Variants in NVL observed in about 807,000 individuals in gnomAD.
NVL encodes the protein nuclear valosin-containing protein-like.
Under a neutral mutation model 110.2 loss-of-function variants are expected in NVL, and 84 were observed. That is an observed-to-expected ratio of 0.76 (90% CI 0.64 to 0.91). The LOEUF (loss-of-function observed/expected upper bound fraction) is 0.91, where lower values mean the gene tolerates loss of function less well. Ranked by LOEUF, NVL falls within the 40% of genes least tolerant of loss-of-function variation. NVL has a pLI of 0.00. For synonymous variants in NVL, 354 were observed against 361.1 expected, an observed-to-expected ratio of 0.98 and a Z score of 0.22; for missense variants, 882 against 1,035.9, an observed-to-expected ratio of 0.85 and a Z score of 2.04.
intron 5 of NVL, among the ~76,000 whole-genome samples, chr1:224,308,672 C>A (rs1214378426): frequency 6.2e-4 from 82 of 131,706 alleles, no homozygotes; most frequent in African/African-American, 2.1e-3. Context: ...GCCTGGGTGA[C>A]AGAGTGAGAC....
intron 18 of NVL, among the ~76,000 whole-genome samples, chr1:224,255,199 TTTTTTC>T (rs1398492796): frequency 1.2e-4 from 17 of 138,832 alleles, no homozygotes; most frequent in East Asian, 4.2e-4. Context: ...TTTTTTTTTT[TTTTTTC>T]CTGAGACAGG....
At chr1:224,246,304 A>T (rs1661814786) in intron 19 of NVL, among the ~76,000 whole-genome samples, 2 of 152,230 alleles carry the variant, frequency 1.3e-5, no homozygotes, top group Admixed American at 1.3e-4. Flanking sequence ...TGCTGGGATT[A>T]TAGGCATGAA....
Position 224,275,388 on chromosome 1 carries a change from A to G in NVL, c.2033T>C (p.Ile678Thr), listed in dbSNP as rs1403464363. 2 of 1,614,174 alleles carry G rather than the reference A, an allele frequency of 1.2e-6. No individual in the cohort carries two copies. The highest frequency in any genetic ancestry group is 1.7e-6 in the Non-Finnish European group (2 of 1,180,014). The change falls in exon 17 of 23, where the codon ATA (isoleucine) becomes ACA (threonine). Residue 678 changes from isoleucine to threonine, a missense_variant. Transcript: ENST00000281701. ...QRAKNSAPCVIFFDEVDALCP... is the reference protein window; with the variant it reads ...QRAKNSAPCVTFFDEVDALCP... ...TAAAGCATCCACTTCATCAAAGAAT[A>G]TCACACAGGGTGCTGAGTTCTTGGC...
At chr1:224,308,290 A>G in intron 5 of NVL, 27 bp from the exon 6 acceptor site, 2 of 1,574,456 alleles carry the variant, frequency 1.3e-6, no homozygotes, top group South Asian at 2.4e-5. Context: ...ACAAAATTGT[A>G]GCATAAATTA....
intron 22 of NVL, among the ~76,000 whole-genome samples, chr1:224,229,924 T>C (rs537702525): frequency 4.6e-5 from 7 of 152,196 alleles, no homozygotes; most frequent in African/African-American, 1.7e-4. Context: ...CTCAACCTCC[T>C]GGGCTCAAGT....
Position 224,274,933 on chromosome 1 carries a change from T to G in NVL, c.2082+406A>C, listed in dbSNP as rs962077871. On this transcript the variant is annotated intron_variant, in intron 17 of 22. Coordinates refer to ENST00000281701, the MANE Select transcript of NVL (RefSeq NM_002533.4). The stretch of plus-strand genomic sequence containing the variant: ...GTCCTCACTTTAAGAGAAAAGGTTT[T>G]GGGTCTTAAAAGTTAATAACCTGAC... 4.9e-4 allele frequency among the ~76,000 whole-genome samples: 75 copies of G among 152,156 alleles called. 2 individuals are homozygous for G. The highest frequency in any genetic ancestry group is 2.6e-4 in the Non-Finnish European group (18 of 68,038).
chr1:224,319,939 C>G (rs2404861), intron 2 of NVL, among the ~76,000 whole-genome samples: 139,786 of 152,148 alleles, frequency 0.92, 64,433 homozygotes, highest in Middle Eastern at 0.98. Flanking sequence ...TGATTCCAAC[C>G]ATGTGAAAAC....
intron 20 of NVL, among the ~76,000 whole-genome samples, chr1:224,235,836 G>C (rs1449181580): frequency 1.3e-5 from 2 of 151,806 alleles, no homozygotes; most frequent in South Asian, 2.1e-4. Flanking sequence ...AGGAGGCTGA[G>C]GTCAGAGGAT....
At chr1:224,294,856 T>G (rs1667726688) in intron 11 of NVL, among the ~76,000 whole-genome samples, 1 of 152,166 alleles carries the variant, frequency 6.6e-6, no homozygotes, top group Non-Finnish European at 1.5e-5. Context: ...GAAAGAGTAT[T>G]AGTGAAAGCA....
chr1:224,237,490 C>A (rs958871127), intron 19 of NVL, among the ~76,000 whole-genome samples: 4 of 152,116 alleles, frequency 2.6e-5, no homozygotes, highest in African/African-American at 9.7e-5. Flanking sequence ...GAAAAAAAAC[C>A]AACCCAGAAT....
intron 2 of NVL, among the ~76,000 whole-genome samples, chr1:224,322,147 C>T (rs984894255): frequency 3.3e-5 from 5 of 152,056 alleles, no homozygotes; most frequent in East Asian, 1.9e-4. Context: ...GCGGTGCAAT[C>T]GTAGCTCACT....
At chr1:224,304,063 T>C (rs1668673342) in intron 8 of NVL, among the ~76,000 whole-genome samples, 1 of 152,178 alleles carries the variant, frequency 6.6e-6, no homozygotes, top group South Asian at 2.1e-4. Flanking sequence ...GCTGTAACAT[T>C]ATATACCTTG....
At chr1:224,290,571 G>A (rs1460123751) in intron 12 of NVL, among the ~76,000 whole-genome samples, 1 of 152,076 alleles carries the variant, frequency 6.6e-6, no homozygotes. Flanking sequence ...GGGAGGCCGA[G>A]GCAGGCAGAT....
At position 224,317,772 on chromosome 1, in the gene NVL, T is replaced by C. The variant is rs1383382504; in HGVS notation, c.206A>G (p.Glu69Gly). 6.2e-7 allele frequency: 1 copy of C among 1,604,276 alleles called. No homozygotes were observed. The highest frequency in any genetic ancestry group is 1.7e-5 in the Admixed American group (1 of 59,954). ...VEKVFSIISS[E>G]KELKNLTELE... Reference sequence around the variant, plus strand: ...TTCTGTTAAATTCTTAAGTTCCTTCTCACTACTAATTATGCTAAATACTGA... The same window carrying C: ...TTCTGTTAAATTCTTAAGTTCCTTCCCACTACTAATTATGCTAAATACTGA... Residue 69 changes from glutamate (E) to glycine (G), a missense_variant, in exon 4 of 23, where the codon GAG becomes GGG. By Grantham distance (98) the Glu-to-Gly change is moderately conservative (BLOSUM62 -2). Transcript: ENST00000281701.
chr1:224,257,986 C>T (rs1017060649), intron 18 of NVL, among the ~76,000 whole-genome samples: 7 of 152,078 alleles, frequency 4.6e-5, no homozygotes, highest in African/African-American at 1.7e-4. Context: ...TAGTGACCTT[C>T]GGTTAGGCAA....
chr1:224,232,987 C>T (rs533357116), intron 21 of NVL: 7 of 453,432 alleles, frequency 1.5e-5, no homozygotes, highest in African/African-American at 2.0e-5. Context: ...AGGGACAGTA[C>T]TCTTTATTAG....
Position 224,233,243 on chromosome 1 carries a change from G to A in NVL, c.2413C>T (p.Leu805=), listed in dbSNP as rs769659681. Residue 805 remains leucine (L), a synonymous_variant, in exon 21 of 23, where the codon CTG becomes TTG. Transcript: ENST00000281701. ...TTCTGTCTTGCCATTTCCTGTCTCA[G>A]GGCACAGATAGAAGCTTCTCGTACC... ...ALVREASICA[L]RQEMARQKSG... is the part of the protein sequence containing the mutation. The A allele has an allele frequency of 3.1e-6, 5 of 1,612,736 alleles. No individual in the cohort carries two copies. The highest frequency in any genetic ancestry group is 1.3e-5 in the African/African-American group (1 of 74,830).
intron 18 of NVL, among the ~76,000 whole-genome samples, chr1:224,262,067 C>T (rs929227626): frequency 1.2e-4 from 18 of 151,982 alleles, no homozygotes; most frequent in African/African-American, 2.7e-4. Flanking sequence ...ACTTTCTAAG[C>T]ATTAATACCT....
chr1:224,324,735 GAT>G (rs570070588), intron 2 of NVL, among the ~76,000 whole-genome samples: 202 of 152,276 alleles, frequency 1.3e-3, no homozygotes, highest in African/African-American at 4.6e-3. Context: ...TGATTTAGAT[GAT>G]ATTGAGATGA....
Sources: allele counts gnomAD v4.1 joint callset (sites outside exome capture counted in the v4.1 genomes callset), GRCh38; gene constraint gnomAD v4.1.1; transcripts MANE v1.5; gene names NCBI Gene and HGNC (gene_info 2026-07-23, HGNC 2026-07-21).